The following IL17F variants were observed in gnomAD, a reference collection of about 807,000 sequenced individuals.
IL17F encodes interleukin-17F.
Under a neutral mutation model 8.3 loss-of-function variants are expected in IL17F, and 6 were observed. The ratio of observed to expected loss-of-function variants is 0.73; its 90% CI spans 0.40 to 1.43. IL17F has a LOEUF of 1.43. Among genes scored for constraint, IL17F ranks in the 40% most tolerant of loss-of-function variants. The probability of loss-of-function intolerance (pLI) is 0.02; values close to 1 mark genes in which losing one functional copy is unlikely to be tolerated. For synonymous variants in IL17F, 98 were observed against 81.6 expected (o/e 1.20, Z -1.08); for missense variants, 204 against 209.6 (o/e 0.97, Z 0.17).
chr6:52,238,521 G>A (rs1319129546), intron 2 of IL17F, among the ~76,000 whole-genome samples: 2 of 152,234 alleles, frequency 1.3e-5, no homozygotes, highest in African/African-American at 2.4e-5. Flanking sequence ...CTATGAGAAC[G>A]TGGAAGCAAA....
Position 52,236,869 on chromosome 6 carries a change from G to A in IL17F, c.*62C>T. The A allele has an allele frequency of 7.5e-7, 1 of 1,324,848 alleles. No individual in the cohort carries two copies. Among genetic ancestry groups the A allele is most frequent in the Non-Finnish European group, 1.1e-6 (1 of 916,724 alleles). The allele number at this position is 1,324,848 out of a possible 1,614,324, so 82.1% of individuals were successfully genotyped here. On this transcript the variant is annotated 3_prime_UTR_variant, in exon 3 of 3. Transcript: ENST00000336123. ...AATTGGGGGTCAGACAGGACTTGTT[G>A]CAGAGCACTGGGTAAGGAGTGGCAT...
chr6:52,244,249 C>A, intron 1 of IL17F, 148 bp downstream of exon 1: 2 of 820,580 alleles, frequency 2.4e-6, no homozygotes, highest in Admixed American at 3.7e-5. Context: ...TTCTTTTTCT[C>A]CACCAGACAG....
chr6:52,239,002 C>A, intron 1 of IL17F, 52 bp from the exon 2 acceptor site: 1 of 1,476,962 alleles, frequency 6.8e-7, no homozygotes, highest in Non-Finnish European at 9.5e-7. Context: ...CACCTACTAG[C>A]AAGAGATGCA....
chr6:52,244,535 C>G, upstream of IL17F: 1 of 1,108,710 alleles, frequency 9.0e-7, no homozygotes, highest in Non-Finnish European at 1.4e-6. Flanking sequence ...TTATAGCAAT[C>G]ATTGCCCCTG....
upstream of IL17F, chr6:52,244,510 G>A (rs1764128773): frequency 3.0e-6 from 4 of 1,322,826 alleles, no homozygotes; most frequent in Non-Finnish European, 3.3e-6. Flanking sequence ...CTATCAATGA[G>A]AGTACCTGTT....
rs1042175463 is a variant in IL17F, at chr6:52,237,076, A to C, written c.347T>G (p.Ile116Ser). 2 of 1,614,198 alleles carry C rather than the reference A, an allele frequency of 1.2e-6. No homozygotes were observed. Among genetic ancestry groups the C allele is most frequent in the Non-Finnish European group, 1.7e-6 (2 of 1,180,032 alleles). ...GCINAQGKED[I>S]SMNSVPIQQE... ...CTGGATGGGAACGGAATTCATGGAG[A>C]TGTCTTCCTTTCCTTGAGCATTGAT... The change falls in exon 3 of 3, where the codon ATC (isoleucine) becomes AGC (serine). Residue 116 changes from isoleucine to serine, a missense_variant. Ile to Ser is a moderately radical substitution (Grantham distance 142). Coordinates refer to ENST00000336123, the MANE Select transcript of IL17F (RefSeq NM_052872.4).
chr6:52,239,441 T>C (rs1302606203), intron 1 of IL17F, among the ~76,000 whole-genome samples: 1 of 152,172 alleles, frequency 6.6e-6, no homozygotes, highest in African/African-American at 2.4e-5. Context: ...ACAAAATCCT[T>C]CTTCGGAGCC....
At chr6:52,243,488 AT>A (rs1206188150) in intron 1 of IL17F, among the ~76,000 whole-genome samples, 2 of 152,166 alleles carry the variant, frequency 1.3e-5, no homozygotes, top group Non-Finnish European at 2.9e-5. Context: ...ACACTGGGTG[AT>A]TTCATTTCTT....
intron 1 of IL17F, among the ~76,000 whole-genome samples, chr6:52,242,838 A>G (rs1764096783): frequency 6.6e-6 from 1 of 152,036 alleles, no homozygotes; most frequent in South Asian, 2.1e-4. Flanking sequence ...TATCATTATC[A>G]GTCGTTGTTT....
At chr6:52,242,666 G>A (rs1764094495) in intron 1 of IL17F, among the ~76,000 whole-genome samples, 1 of 152,202 alleles carries the variant, frequency 6.6e-6, no homozygotes, top group Non-Finnish European at 1.5e-5. Context: ...CAGTTCTTGT[G>A]CTTACAGTAT....
chr6:52,242,393 A>G (rs11465548), intron 1 of IL17F, among the ~76,000 whole-genome samples: 35 of 152,328 alleles, frequency 2.3e-4, no homozygotes, highest in Non-Finnish European at 3.8e-4. Context: ...GTCCATGAGA[A>G]TTTGCCTCAA....
chr6:52,237,259 G>GAACT, intron 2 of IL17F, 91 bp from the exon 3 acceptor site: 1 of 975,968 alleles, frequency 1.0e-6, no homozygotes, highest in Non-Finnish European at 1.6e-6. Flanking sequence ...TTCACCTGCA[G>GAACT]GGAGGCAGTT....
intron 1 of IL17F, among the ~76,000 whole-genome samples, chr6:52,241,357 C>T (rs192851812): frequency 6.6e-5 from 10 of 152,244 alleles, no homozygotes; most frequent in Admixed American, 6.5e-4. Context: ...GGATTACAGG[C>T]CTGAGCTACC....
chr6:52,238,823 C>T lies in IL17F; in HGVS notation c.161G>A (p.Ser54Asn), dbSNP rs1562359154. 6.2e-7 allele frequency: 1 copy of T among 1,614,124 alleles called. No homozygotes were observed. Among genetic ancestry groups the T allele is most frequent in the Non-Finnish European group, 8.5e-7 (1 of 1,179,978 alleles). ...PESCPPVPGG[S>N]MKLDIGIINE... ...GATGATGCCAATGTCAAGCTTCATACTACCTCCTGGCACAGGCGGGCAACT... is the reference window on the plus strand; with the variant it reads ...GATGATGCCAATGTCAAGCTTCATATTACCTCCTGGCACAGGCGGGCAACT... The change falls in exon 2 of 3, where the codon AGT becomes AAT. Residue 54 changes from serine (S) to asparagine (N), a missense_variant. Physicochemically the swap from Ser to Asn is conservative, Grantham distance 46. Transcript: ENST00000336123.
At position 52,244,468 on chromosome 6, in the gene IL17F, T is replaced by G. The variant is rs1173350522; in HGVS notation, c.-39A>C. 6.2e-7 allele frequency: 1 copy of G among 1,605,564 alleles called. No individual in the cohort carries two copies. Among genetic ancestry groups the G allele is most frequent in the South Asian group, 1.1e-5 (1 of 90,914 alleles). ...CTTACTTTGTGCAGGAAGCTCTTTC[T>G]GTGAATGTATCTTCCTGTGTATGCC... On this transcript the variant is annotated 5_prime_UTR_variant, in exon 1 of 3. Coordinates refer to ENST00000336123, the MANE Select transcript of IL17F (RefSeq NM_052872.4).
intron 1 of IL17F, among the ~76,000 whole-genome samples, chr6:52,243,290 T>C (rs1419657133): frequency 2.0e-5 from 3 of 152,232 alleles, no homozygotes; most frequent in Non-Finnish European, 4.4e-5. Flanking sequence ...TGTTTTCATG[T>C]ACCTCTATAG....
chr6:52,237,484 CT>C (rs1401907480), intron 2 of IL17F, among the ~76,000 whole-genome samples: 2 of 152,060 alleles, frequency 1.3e-5, no homozygotes, highest in African/African-American at 4.8e-5. Context: ...AACATTAGAT[CT>C]TTCATTGGCA....
At position 52,243,395 on chromosome 6, in the gene IL17F, A is replaced by G. The variant is rs527994493; in HGVS notation, c.33+1002T>C. Reference sequence around the variant, plus strand: ...TTGCATTAACATCTCTCTTTCCTCCAAGAAGAATGAGATGGTACAAAATAA... The same window carrying G: ...TTGCATTAACATCTCTCTTTCCTCCGAGAAGAATGAGATGGTACAAAATAA... On this transcript the variant is annotated intron_variant, in intron 1 of 2. Transcript: ENST00000336123. 8.5e-5 allele frequency among the ~76,000 whole-genome samples: 13 copies of G among 152,282 alleles called. No individual in the cohort carries two copies. The East Asian group carries it at 9.6e-4, about 11-fold the overall frequency.
chr6:52,245,314 C>T (rs1031428817), upstream of IL17F, among the ~76,000 whole-genome samples: 1 of 152,194 alleles, frequency 6.6e-6, no homozygotes, highest in Non-Finnish European at 1.5e-5. Context: ...CAAAACTGCT[C>T]CCACTTTAAG....
Sources: allele counts gnomAD v4.1 joint callset (sites outside exome capture counted in the v4.1 genomes callset), GRCh38; gene constraint gnomAD v4.1.1; transcripts MANE v1.5; gene names NCBI Gene and HGNC (gene_info 2026-07-23, HGNC 2026-07-21).